SEC14L5: variants seen among roughly 807,000 people sequenced by gnomAD.
SEC14L5 encodes the protein SEC14-like protein 5.
A neutral mutation model predicts 84.6 loss-of-function variants in SEC14L5; 96 were observed. That is an observed-to-expected ratio of 1.13 (90% CI 0.96 to 1.34). SEC14L5 has a LOEUF of 1.34. SEC14L5 is among the 40% of genes most tolerant of loss of function. SEC14L5 has a pLI of 0.00. For synonymous variants in SEC14L5, 546 were observed against 383.4 expected (o/e 1.42, Z -4.95); for missense variants, 1,224 against 942.5 (o/e 1.30, Z -3.91).
intron 13 of SEC14L5, among the ~76,000 whole-genome samples, chr16:5,008,107 G>A (rs1433825877): frequency 6.6e-6 from 1 of 151,558 alleles, no homozygotes; most frequent in Non-Finnish European, 1.5e-5. Flanking sequence ...GTAGAGATGG[G>A]GTTTCACCAT....
In SEC14L5 at chr16:4,987,685, C is replaced by A. The variant is rs1378041899; in HGVS notation, c.192C>A (p.Asp64Glu). ...VVERSCRLRV[D>E]APRLLRKIAG... ...AGCGGAGCTGCCGGCTGCGCGTGGA[C>A]GCCCCGCGGCTGCTGCGGAAGGTGG... The change falls in exon 3 of 16, where the codon GAC becomes GAA. Residue 64 changes from aspartate (D) to glutamate (E), a missense_variant. By Grantham distance (45) the Asp-to-Glu change is conservative. Transcript: ENST00000251170. 4 of 1,532,582 alleles carry A rather than the reference C, an allele frequency of 2.6e-6. No homozygotes were observed. Among genetic ancestry groups the A allele is most frequent in the Non-Finnish European group, 3.5e-6 (4 of 1,143,446 alleles). The allele number at this position is 1,532,582 out of a possible 1,614,324, so 94.9% of individuals were successfully genotyped here.
chr16:4,967,127 A>G (rs1955210209), intron 2 of SEC14L5, among the ~76,000 whole-genome samples: 1 of 152,156 alleles, frequency 6.6e-6, no homozygotes, highest in Admixed American at 6.5e-5. Context: ...AGAACAACAT[A>G]AGTTCATTGC....
At chr16:4,976,681 C>T (rs1198538468) in intron 2 of SEC14L5, among the ~76,000 whole-genome samples, 1 of 152,152 alleles carries the variant, frequency 6.6e-6, no homozygotes, top group African/African-American at 2.4e-5. Context: ...CCTGCTTGGT[C>T]CCTGCCTGCC....
rs1955900016 is a variant in SEC14L5, at chr16:5,018,665, A to C, written c.*3695A>C. ...ACAAAGCAAGACCCTGTCTCAAAAA[A>C]AGAAGAAAGAAGCTGCTTGTGTTTT... On this transcript the variant is annotated 3_prime_UTR_variant, in exon 16 of 16. Transcript: ENST00000251170. 1.3e-5 allele frequency: 2 copies of C among 152,180 alleles called. No homozygotes were observed. Among genetic ancestry groups the C allele is most frequent in the Non-Finnish European group, 2.9e-5 (2 of 68,038 alleles). The allele number at this position is 152,180 out of a possible 1,614,324, so 9.4% of individuals were successfully genotyped here. A position where few individuals can be genotyped will look rare whatever the true frequency, so the allele number is the denominator to read the frequency against.
Position 4,981,156 on chromosome 16 carries a change from G to A in SEC14L5, c.64-6401G>A, listed in dbSNP as rs183722973. ...ATTTGAGATGGAGTCTTGCTCTGTC[G>A]CCCACGCTGGAGTGCAGTGGTGCGA... On this transcript the variant is annotated intron_variant, in intron 2 of 15. Transcript: ENST00000251170. 1.1e-4 allele frequency among the ~76,000 whole-genome samples: 16 copies of A among 150,944 alleles called. 1 individual carries two copies. The East Asian group carries it at 2.3e-3, about 22-fold the overall frequency.
At chr16:4,977,844 A>G (rs986697504) in intron 2 of SEC14L5, among the ~76,000 whole-genome samples, 13 of 151,558 alleles carry the variant, frequency 8.6e-5, no homozygotes, top group Non-Finnish European at 1.8e-4. Flanking sequence ...TCTGTCGCTC[A>G]GGCTGGAGTA....
At chr16:4,959,451 G>T in intron 2 of SEC14L5, 65 bp downstream of exon 2, 2 of 1,371,192 alleles carry the variant, frequency 1.5e-6, no homozygotes, top group Middle Eastern at 1.8e-4. Context: ...CAGCTATGGC[G>T]GTAGGAAGAC....
intron 2 of SEC14L5, among the ~76,000 whole-genome samples, chr16:4,977,957 C>T (rs1320404073): frequency 5.3e-5 from 8 of 150,290 alleles, no homozygotes; most frequent in African/African-American, 1.2e-4. Flanking sequence ...CGCACCACCA[C>T]GCCTGGCTAA....
Position 5,009,316 on chromosome 16 carries a change from T to A in SEC14L5, c.1800+668T>A, listed in dbSNP as rs571978323. ...AGTTAGGCCCCATCTTAAATCCTGT[T>A]TTTTTTTGAGACAGGGTCTCACTCT... On this transcript the variant is annotated intron_variant, in intron 14 of 15. Coordinates refer to ENST00000251170, the MANE Select transcript of SEC14L5 (RefSeq NM_014692.2). 1.1e-3 allele frequency among the ~76,000 whole-genome samples: 162 copies of A among 152,130 alleles called. 3 individuals carry two copies. Among genetic ancestry groups the A allele is most frequent in the South Asian group, 5.2e-3 (25 of 4,816 alleles).
rs1021047497 is a variant in SEC14L5 at position 5,017,494 on chromosome 16, C to G, written c.*2524C>G. The G allele has an allele frequency of 6.6e-6, 1 of 152,290 alleles. No homozygotes were observed. Among genetic ancestry groups the G allele is most frequent in the Non-Finnish European group, 1.5e-5 (1 of 68,088 alleles). The allele number at this position is 152,290 out of a possible 1,614,324, so 9.4% of individuals were successfully genotyped here. A position where few individuals can be genotyped will look rare whatever the true frequency, so the allele number is the denominator to read the frequency against. On this transcript the variant is annotated 3_prime_UTR_variant, in exon 16 of 16. Transcript: ENST00000251170. ...ACCTGGCGGGAAAGATGGCTGCCAG[C>G]AGCCCCAAGCCTATAATTTCAGGAT...
chr16:5,007,611 T>C (rs535468828), intron 13 of SEC14L5, 125 bp downstream of exon 13: 445 of 822,698 alleles, frequency 5.4e-4, no homozygotes, highest in African/African-American at 5.0e-3. Context: ...TCTTTCTTTT[T>C]TTTTTTTTTT....
chr16:4,977,446 C>CAAAAAAAAAAAAAAAAAAAAAAAGA (rs1955357749), intron 2 of SEC14L5, among the ~76,000 whole-genome samples: 1 of 66,142 alleles, frequency 1.5e-5, no homozygotes, highest in African/African-American at 6.6e-5. Context: ...GACTCCGTCT[C>CAAAAAAAAAAAAAAAAAAAAAAAGA]AAAAAAAAAA....
At chr16:5,000,630 T>C (rs1955664323) in intron 8 of SEC14L5, 25 bp from the exon 9 acceptor site, 2 of 1,533,230 alleles carry the variant, frequency 1.3e-6, no homozygotes, top group South Asian at 2.4e-5. Context: ...CGGGCTCTTC[T>C]TTCTGCTTGG....
At chr16:4,994,731 G>A (rs2908678) in intron 6 of SEC14L5, among the ~76,000 whole-genome samples, 18,414 of 150,276 alleles carry the variant, frequency 0.12, 1,487 homozygotes, top group Middle Eastern at 0.22. Flanking sequence ...TCCTGTGCAC[G>A]CTCTCTGTGG....
chr16:4,995,496 G>C (rs899999195), intron 6 of SEC14L5, among the ~76,000 whole-genome samples: 8 of 152,196 alleles, frequency 5.3e-5, no homozygotes, highest in African/African-American at 1.9e-4. Flanking sequence ...ATGGGGCCTG[G>C]GGATGGGGCA....
Position 5,007,513 on chromosome 16 carries a change from C to T in SEC14L5, c.1572+27C>T, listed in dbSNP as rs370817022. 68 of 1,608,690 alleles carry T rather than the reference C, an allele frequency of 4.2e-5. No individual in the cohort carries two copies. In the Middle Eastern group the frequency reaches 5.2e-4, roughly 12 times the overall value. ...TGCCAGGGCCTGGCCGGGGAGGGCC[C>T]GCTGAGCTGGAGTGTCTGTCGTCTT... is the stretch of plus-strand genomic sequence containing the variant. On this transcript the variant is annotated intron_variant, in intron 13 of 15. Coordinates refer to ENST00000251170, the MANE Select transcript of SEC14L5 (RefSeq NM_014692.2).
chr16:4,994,492 C>A (rs1016357785), intron 6 of SEC14L5, among the ~76,000 whole-genome samples: 1 of 152,114 alleles, frequency 6.6e-6, no homozygotes. Flanking sequence ...TACAGGCGTG[C>A]ACCATCATTC....
intron 8 of SEC14L5, among the ~76,000 whole-genome samples, chr16:4,999,195 G>A (rs1955648548): frequency 6.6e-6 from 1 of 152,174 alleles, no homozygotes; most frequent in African/African-American, 2.4e-5. Context: ...GTGGCCACGT[G>A]CTCCATGCAG....
intron 11 of SEC14L5, among the ~76,000 whole-genome samples, chr16:5,004,908 A>G (rs571441970): frequency 1.4e-4 from 22 of 152,354 alleles, no homozygotes; most frequent in African/African-American, 5.3e-4. Flanking sequence ...GTCCATAAGA[A>G]GGAAGGAAGC....
Sources: gnomAD v4.1 joint callset for allele counts (sites outside exome capture counted in the v4.1 genomes callset) on GRCh38, gnomAD v4.1.1 for gene constraint, MANE v1.5 for transcripts, NCBI Gene and HGNC (gene_info 2026-07-23, HGNC 2026-07-21) for gene names.